The following ABCA4 variants were observed in gnomAD, a reference collection of about 807,000 sequenced individuals.
The protein encoded by ABCA4 is retinal-specific phospholipid-transporting ATPase ABCA4.
Under a neutral mutation model 263.7 loss-of-function variants are expected in ABCA4, and 196 were observed. That is an observed-to-expected ratio of 0.74 (90% CI 0.66 to 0.84). ABCA4 has a LOEUF of 0.84. Among genes scored for constraint, ABCA4 ranks in the 40% least tolerant of loss-of-function variants. The probability of loss-of-function intolerance (pLI) is 0.00; values close to 1 mark genes in which losing one functional copy is unlikely to be tolerated. For synonymous variants in ABCA4, 1,133 were observed against 1,094.2 expected, an observed-to-expected ratio of 1.04 and a Z score of -0.70; for missense variants, 2,792 against 2,855.1, an observed-to-expected ratio of 0.98 and a Z score of 0.50.
At chr1:94,094,448 A>G (rs975264288) in intron 6 of ABCA4, among the ~76,000 whole-genome samples, 9 of 152,222 alleles carry the variant, frequency 5.9e-5, no homozygotes, top group South Asian at 4.1e-4. Context: ...AAAAGTAAAA[A>G]TGACAACAGA....
At chr1:94,046,301 A>T (rs1271803539) in intron 19 of ABCA4, among the ~76,000 whole-genome samples, 33 of 136,922 alleles carry the variant, frequency 2.4e-4, no homozygotes, top group Middle Eastern at 3.9e-3. Context: ...AAAAAAAAAA[A>T]AAATACAAAA....
Position 94,078,570 on chromosome 1 carries a change from C to A in ABCA4, c.1356+20G>T. 9.3e-7 allele frequency: 1 copy of A among 1,075,072 alleles called. No homozygotes were observed. The highest frequency in any genetic ancestry group is 1.2e-5 in the South Asian group (1 of 80,908). 66.6% of individuals were successfully genotyped at this position (1,075,072 alleles called of 1,614,324 possible). A position where few individuals can be genotyped will look rare whatever the true frequency, so the allele number is the denominator to read the frequency against. ...CCGCTTCCTCCTCCCCTCCCCTCCC[C>A]ATCCTCCAACCCCCCTTACTCTGAT... On this transcript the variant is annotated intron_variant, in intron 10 of 49. Transcript: ENST00000370225.
At chr1:94,112,401 G>C (rs1049211483) in intron 2 of ABCA4, among the ~76,000 whole-genome samples, 2 of 152,072 alleles carry the variant, frequency 1.3e-5, no homozygotes, top group Admixed American at 1.3e-4. Flanking sequence ...GAGAGTTTAG[G>C]TATAAAAAAA....
chr1:94,066,099 T>C (rs569022364), intron 11 of ABCA4, among the ~76,000 whole-genome samples: 2 of 152,308 alleles, frequency 1.3e-5, no homozygotes, highest in South Asian at 2.1e-4. Context: ...AGGTTTGCTA[T>C]TGGATAAATA....
intron 6 of ABCA4, among the ~76,000 whole-genome samples, chr1:94,091,291 A>T (rs996230562): frequency 3.9e-5 from 6 of 152,152 alleles, no homozygotes; most frequent in African/African-American, 1.4e-4. Flanking sequence ...GGGAATGGTA[A>T]ATGATGAGGG....
rs543040736 is a variant in ABCA4 at position 94,083,212 on chromosome 1, T to C, written c.858+140A>G. Reference sequence around the variant, plus strand: ...ACAGATAATTTGGGATGTGAACAGGTGCTTTGAAATTGCTAGATGGAAAGA... The same window carrying C: ...ACAGATAATTTGGGATGTGAACAGGCGCTTTGAAATTGCTAGATGGAAAGA... On this transcript the variant is annotated intron_variant, in intron 7 of 49. Coordinates refer to ENST00000370225, the MANE Select transcript of ABCA4 (RefSeq NM_000350.3). The C allele has an allele frequency of 2.3e-5, 19 of 812,630 alleles. No homozygotes were observed. In the South Asian group the frequency reaches 2.7e-4, roughly 12 times the overall value. 50.3% of individuals were successfully genotyped at this position (812,630 alleles called of 1,614,324 possible).
chr1:94,083,646 T>C (rs1448625541), intron 6 of ABCA4, among the ~76,000 whole-genome samples: 2 of 152,238 alleles, frequency 1.3e-5, no homozygotes, highest in African/African-American at 2.4e-5. Flanking sequence ...CAAGACTCCT[T>C]GCTGCACTTG....
At chr1:94,069,097 G>A (rs1661343190) in intron 11 of ABCA4, among the ~76,000 whole-genome samples, 1 of 152,178 alleles carries the variant, frequency 6.6e-6, no homozygotes, top group African/African-American at 2.4e-5. Flanking sequence ...GGCGGAAGAG[G>A]TTTGAGCCCT....
In ABCA4 at chr1:94,037,176, C is replaced by T; in HGVS notation, c.3782G>A (p.Ser1261Asn). Residue 1261 changes from serine to asparagine, a missense_variant, in exon 25 of 50, where the codon AGT becomes AAT. By Grantham distance (46) the Ser-to-Asn change is conservative. Coordinates refer to ENST00000370225, the MANE Select transcript of ABCA4 (RefSeq NM_000350.3). ...CAGGGGAGTGTCAGAAATTCCAAAA[C>T]TGCTGAGACCAAGGTCAGCCAGCGT... ...EETLADLGLS[S>N]FGISDTPLEE... 3 of 1,614,246 alleles carry T rather than the reference C, an allele frequency of 1.9e-6. No homozygotes were observed. Among genetic ancestry groups the T allele is most frequent in the Non-Finnish European group, 2.5e-6 (3 of 1,180,044 alleles).
chr1:94,058,804 T>A (rs1661046882), intron 14 of ABCA4, among the ~76,000 whole-genome samples: 1 of 152,260 alleles, frequency 6.6e-6, no homozygotes, highest in Admixed American at 6.5e-5. Context: ...CAGCTGTGGC[T>A]TCCTCAGATG....
chr1:93,992,882 C>G lies in ABCA4; in HGVS notation c.*355G>C, dbSNP rs1658907205. 1 of 359,882 alleles carries G rather than the reference C, an allele frequency of 2.8e-6. No individual in the cohort carries two copies. Among genetic ancestry groups the G allele is most frequent in the South Asian group, 3.0e-5 (1 of 32,900 alleles). The allele number at this position is 359,882 out of a possible 1,614,324, so 22.3% of individuals were successfully genotyped here. On this transcript the variant is annotated 3_prime_UTR_variant, in exon 50 of 50. Transcript: ENST00000370225. The stretch of plus-strand genomic sequence containing the variant: ...ATTTTATTTTTCCATGAAAATCACA[C>G]ACAACGCAGACACACAGACAAACAT...
In ABCA4 at chr1:94,037,341, T is replaced by C. The variant is rs1660367971; in HGVS notation, c.3617A>G (p.Asn1206Ser). The part of the protein sequence containing the change: ...TPEQVLDGDV[N>S]ELMDVVLHHV... ...GTGGAGAACTACATCCATCAGCTCA[T>C]TTACATCCCCTAGGACAAGAAAAAA... The change falls in exon 25 of 50, where the codon AAT becomes AGT. Residue 1206 changes from asparagine (N) to serine (S), a missense_variant. Coordinates refer to ENST00000370225, the MANE Select transcript of ABCA4 (RefSeq NM_000350.3). 2 of 1,614,004 alleles carry C rather than the reference T, an allele frequency of 1.2e-6. No homozygotes were observed. Among genetic ancestry groups the C allele is most frequent in the South Asian group, 2.2e-5 (2 of 91,088 alleles).
intron 7 of ABCA4, 144 bp from the exon 8 acceptor site, chr1:94,080,862 A>G: frequency 8.5e-7 from 1 of 1,181,708 alleles, no homozygotes; most frequent in Non-Finnish European, 1.2e-6. Context: ...TCCAGCTGCG[A>G]AAAACAAAAA....
intron 10 of ABCA4, 27 bp from the exon 11 acceptor site, chr1:94,077,914 C>A: frequency 6.3e-7 from 1 of 1,596,908 alleles, no homozygotes; most frequent in Non-Finnish European, 8.6e-7. Flanking sequence ...ACAGTCACTG[C>A]TCTGCTTAGA....
intron 11 of ABCA4, among the ~76,000 whole-genome samples, chr1:94,073,498 T>C (rs1337772658): frequency 6.6e-6 from 1 of 152,228 alleles, no homozygotes; most frequent in East Asian, 1.9e-4. Flanking sequence ...TTGTATTTTG[T>C]TAAAAAGCTA....
chr1:94,017,658 T>G (rs182369007), intron 36 of ABCA4, among the ~76,000 whole-genome samples: 1 of 152,266 alleles, frequency 6.6e-6, no homozygotes, highest in East Asian at 1.9e-4. Context: ...GTTGACAGTT[T>G]GTGTTGTGGT....
At chr1:94,039,917 G>T in intron 24 of ABCA4, 126 bp downstream of exon 24, 2 of 794,276 alleles carry the variant, frequency 2.5e-6, no homozygotes, top group Non-Finnish European at 2.2e-6. Context: ...AAGAACAACT[G>T]TGTGACCTGC....
rs773251303 is a variant in ABCA4 at position 94,021,680 on chromosome 1, G to A, written c.4808C>T (p.Pro1603Leu). Residue 1603 changes from proline to leucine, a missense_variant, in exon 34 of 50, where the codon CCT becomes CTT. Physicochemically the swap from Pro to Leu is moderately conservative, Grantham distance 98. Coordinates refer to ENST00000370225, the MANE Select transcript of ABCA4 (RefSeq NM_000350.3). Reference protein sequence around the residue: ...PITREASKEIPDFLKHLETED... With the variant: ...PITREASKEILDFLKHLETED... ...AGTTTCTAGATGTTTAAGGAAATCA[G>A]GTATTTCTTTAGAGGCCTCTCTAGT... 7 of 1,613,276 alleles carry A rather than the reference G, an allele frequency of 4.3e-6. No individual in the cohort carries two copies. The East Asian group carries it at 1.6e-4, about 36-fold the overall frequency.
intron 38 of ABCA4, among the ~76,000 whole-genome samples, chr1:94,012,647 C>T (rs77701696): frequency 0.015 from 2,349 of 152,278 alleles, 20 homozygotes; most frequent in Non-Finnish European, 0.026. Context: ...TCCTCCACCA[C>T]GGCTCCCCCA....
Sources: gnomAD v4.1 joint callset for allele counts (sites outside exome capture counted in the v4.1 genomes callset) on GRCh38, gnomAD v4.1.1 for gene constraint, MANE v1.5 for transcripts, NCBI Gene and HGNC (gene_info 2026-07-23, HGNC 2026-07-21) for gene names.